The following NCKAP1 variants were observed in gnomAD, a reference collection of about 807,000 sequenced individuals.
The protein encoded by NCKAP1 is NCK associated protein 1.
In NCKAP1, 21 loss-of-function variants were observed where a neutral mutation model predicts 151.2. The observed-to-expected ratio is 0.14, with a 90% CI of 0.10 to 0.20. The LOEUF (loss-of-function observed/expected upper bound fraction) is 0.20. Among genes scored for constraint, NCKAP1 ranks in the 10% least tolerant of loss-of-function variants. The pLI is 1.00. For missense variants in NCKAP1, 933 were observed against 1,352.1 expected (o/e 0.69, Z 4.86); for synonymous variants, 484 against 451.8 (o/e 1.07, Z -0.90).
At chr2:183,005,968 ACATGTATAATGTCTAACAGCAG>A (rs1698463251) in intron 2 of NCKAP1, among the ~76,000 whole-genome samples, 1 of 152,106 alleles carries the variant, frequency 6.6e-6, no homozygotes, top group Admixed American at 6.6e-5. Flanking sequence ...CCTCCTCTAA[ACATGTATAATGTCTAACAGCAG>A]CTATCACTTT....
chr2:182,953,067 C>A (rs1697251474), intron 21 of NCKAP1, 46 bp downstream of exon 21: 1 of 1,536,274 alleles, frequency 6.5e-7, no homozygotes, highest in Non-Finnish European at 8.8e-7. Flanking sequence ...CTAAGTACTT[C>A]ATTACAAATT....
chr2:182,957,745 A>T, intron 18 of NCKAP1, 149 bp from the exon 19 acceptor site: 1 of 858,368 alleles, frequency 1.2e-6, no homozygotes, highest in Non-Finnish European at 1.7e-6. Context: ...TACAGAGCTT[A>T]CTTAGCTAGC....
At chr2:182,961,433 C>T (rs1697449331) in intron 18 of NCKAP1, among the ~76,000 whole-genome samples, 1 of 152,140 alleles carries the variant, frequency 6.6e-6, no homozygotes. Context: ...TTTGTAGGGA[C>T]ATGGGTGAAG....
chr2:183,017,754 G>A (rs752118918), intron 2 of NCKAP1, among the ~76,000 whole-genome samples: 1 of 152,106 alleles, frequency 6.6e-6, no homozygotes, highest in Non-Finnish European at 1.5e-5. Flanking sequence ...TACACTATGG[G>A]GGGAGAAGTC....
intron 8 of NCKAP1, 143 bp from the exon 9 acceptor site, chr2:182,989,329 T>C (rs1698121091): frequency 1.1e-5 from 6 of 551,294 alleles, no homozygotes; most frequent in East Asian, 6.0e-5. Context: ...TACATATGTA[T>C]AAACCATGGT....
At chr2:182,994,735 G>A in intron 8 of NCKAP1, 104 bp downstream of exon 8, 1 of 891,702 alleles carries the variant, frequency 1.1e-6, no homozygotes, top group East Asian at 2.5e-5. Flanking sequence ...ACATAGATGG[G>A]TTAGCACAAT....
At chr2:182,928,959 A>G in intron 27 of NCKAP1, 60 bp from the exon 28 acceptor site, 4 of 1,135,146 alleles carry the variant, frequency 3.5e-6, no homozygotes, top group Non-Finnish European at 3.9e-6. Context: ...TTAAGATTTG[A>G]TAATCTAAAC....
intron 12 of NCKAP1, among the ~76,000 whole-genome samples, chr2:182,982,215 T>A (rs1370894068): frequency 6.6e-6 from 1 of 152,170 alleles, no homozygotes; most frequent in Non-Finnish European, 1.5e-5. Context: ...ACAAAAACTT[T>A]ATCACCACAA....
chr2:183,023,316 G>A (rs1698830474), intron 2 of NCKAP1, among the ~76,000 whole-genome samples: 1 of 151,990 alleles, frequency 6.6e-6, no homozygotes, highest in African/African-American at 2.4e-5. Context: ...AGATAATAAA[G>A]ACCCTAACAC....
chr2:182,995,637 A>G lies in NCKAP1; in HGVS notation c.741+64T>C, dbSNP rs923694306. ...ATTAGAAACAAACAGCAACAGCATT[A>G]CTGAACTATTATTTTTTTAAAAGTC... On this transcript the variant is annotated intron_variant, in intron 7 of 30. Coordinates refer to ENST00000361354, the MANE Select transcript of NCKAP1 (RefSeq NM_013436.5). 8 of 1,466,974 alleles carry G rather than the reference A, an allele frequency of 5.5e-6. No homozygotes were observed. In the African/African-American group the frequency reaches 1.1e-4, roughly 21 times the overall value. 90.9% of individuals were successfully genotyped at this position (1,466,974 alleles called of 1,614,324 possible).
chr2:183,009,423 G>GAAGC (rs1559104750), intron 2 of NCKAP1, among the ~76,000 whole-genome samples: 4 of 54,278 alleles, frequency 7.4e-5, no homozygotes, highest in African/African-American at 3.2e-4. Flanking sequence ...AGAGGGAAGG[G>GAAGC]AAGGAAGGAA....
In NCKAP1 at chr2:182,920,523, T is replaced by C. The variant is rs1207575327; in HGVS notation, c.*5179A>G. 1 of 152,134 alleles carries C rather than the reference T, an allele frequency of 6.6e-6. No homozygotes were observed. Among genetic ancestry groups the C allele is most frequent in the African/African-American group, 2.4e-5 (1 of 41,410 alleles). The allele number at this position is 152,134 out of a possible 1,614,324, so 9.4% of individuals were successfully genotyped here. On this transcript the variant is annotated 3_prime_UTR_variant, in exon 31 of 31. Coordinates refer to ENST00000361354, the MANE Select transcript of NCKAP1 (RefSeq NM_013436.5). ...TAAGCAAGAACTGTGAACAATAAAT[T>C]TGTTACTATAAAAAAACTTCTTGCT...
rs1163002094 is a variant in NCKAP1, at chr2:183,009,468, A to T, written c.220-6143T>A. 1.8e-3 allele frequency among the ~76,000 whole-genome samples: 234 copies of T among 126,988 alleles called. 2 individuals are homozygous for T. The highest frequency in any genetic ancestry group is 4.7e-3 in the African/African-American group (177 of 37,294). The allele number at this position is 126,988 out of a possible 152,430, so 83.3% of individuals were successfully genotyped here. Reference sequence around the variant, plus strand: ...GAAGGAAGGAAGGAAGGAAGGAAGGAAGGAAGGAAGCAAGCAAGCAAGCAG... The same window carrying T: ...GAAGGAAGGAAGGAAGGAAGGAAGGTAGGAAGGAAGCAAGCAAGCAAGCAG... On this transcript the variant is annotated intron_variant, in intron 2 of 30. Coordinates refer to ENST00000361354, the MANE Select transcript of NCKAP1 (RefSeq NM_013436.5).
chr2:182,989,811 C>A (rs577682870), intron 8 of NCKAP1, among the ~76,000 whole-genome samples: 3 of 151,892 alleles, frequency 2.0e-5, no homozygotes, highest in Non-Finnish European at 4.4e-5. Flanking sequence ...ACCAGCCTGA[C>A]CAACATGGTG....
At chr2:183,037,804 A>AG (rs1453885188) in intron 1 of NCKAP1, among the ~76,000 whole-genome samples, 188 bp downstream of exon 1, 1 of 151,406 alleles carries the variant, frequency 6.6e-6, no homozygotes, top group Non-Finnish European at 1.5e-5. Flanking sequence ...GGCGAACCAC[A>AG]GGGAGAGGCG....
chr2:182,963,480 A>T (rs1326203847), intron 17 of NCKAP1, among the ~76,000 whole-genome samples: 2 of 152,142 alleles, frequency 1.3e-5, no homozygotes, highest in African/African-American at 4.8e-5. Flanking sequence ...AAATCTCTCT[A>T]TTATCTGACC....
chr2:182,981,473 C>A, intron 12 of NCKAP1, 97 bp from the exon 13 acceptor site: 1 of 941,980 alleles, frequency 1.1e-6, no homozygotes, highest in South Asian at 1.9e-5. Context: ...AAGTATTTTT[C>A]TTATAAAGGG....
intron 17 of NCKAP1, among the ~76,000 whole-genome samples, chr2:182,963,439 T>C (rs1697497100): frequency 1.3e-5 from 2 of 152,110 alleles, no homozygotes; most frequent in Non-Finnish European, 2.9e-5. Flanking sequence ...AATGCTGAGA[T>C]GGAGAAAAAC....
intron 24 of NCKAP1, among the ~76,000 whole-genome samples, chr2:182,938,442 G>A (rs1696926753): frequency 6.6e-6 from 1 of 152,082 alleles, no homozygotes; most frequent in South Asian, 2.1e-4. Flanking sequence ...GAAATAAACA[G>A]AATGAGAGTT....
Sources: gnomAD v4.1 joint callset for allele counts (sites outside exome capture counted in the v4.1 genomes callset) on GRCh38, gnomAD v4.1.1 for gene constraint, MANE v1.5 for transcripts, NCBI Gene and HGNC (gene_info 2026-07-23, HGNC 2026-07-21) for gene names.